The following CHST11 variants were observed in gnomAD, a reference collection of about 807,000 sequenced individuals.
The protein encoded by CHST11 is carbohydrate sulfotransferase 11.
CHST11 carries 9 observed loss-of-function variants against 30.4 expected under a neutral mutation model. The observed-to-expected ratio is 0.30, with a 90% confidence interval of 0.18 to 0.52. The LOEUF (loss-of-function observed/expected upper bound fraction) is 0.52, where lower values mean the gene tolerates loss of function less well. Among genes scored for constraint, CHST11 ranks in the 20% least tolerant of loss-of-function variants. CHST11 has a pLI of 0.97. For missense variants in CHST11, 348 were observed against 460.6 expected (o/e 0.76, Z 2.24); for synonymous variants, 152 against 187.8 (o/e 0.81, Z 1.56).
intron 1 of CHST11, among the ~76,000 whole-genome samples, chr12:104,535,705 A>T (rs1462234287): frequency 6.6e-6 from 1 of 152,192 alleles, no homozygotes; most frequent in Non-Finnish European, 1.5e-5. Context: ...ACATTGCAGT[A>T]TTTGTTTGTG....
intron 1 of CHST11, among the ~76,000 whole-genome samples, chr12:104,522,163 CT>C (rs971025998): frequency 4.6e-4 from 70 of 152,300 alleles, no homozygotes; most frequent in African/African-American, 1.6e-3. Flanking sequence ...TGCTTTGGCT[CT>C]TTTTCTCAGA....
chr12:104,533,327 G>C (rs2038204913), intron 1 of CHST11, among the ~76,000 whole-genome samples: 1 of 152,196 alleles, frequency 6.6e-6, no homozygotes. Flanking sequence ...AACATGATCA[G>C]GTGTTCCCAG....
At chr12:104,681,284 T>A (rs572529580) in intron 2 of CHST11, among the ~76,000 whole-genome samples, 1 of 152,218 alleles carries the variant, frequency 6.6e-6, no homozygotes, top group East Asian at 1.9e-4. Flanking sequence ...TACTGATACA[T>A]GCTACATGGA....
At chr12:104,597,766 A>G (rs1277864499) in intron 1 of CHST11, among the ~76,000 whole-genome samples, 1 of 152,212 alleles carries the variant, frequency 6.6e-6, no homozygotes, top group Non-Finnish European at 1.5e-5. Flanking sequence ...CCATCACAGC[A>G]TTTTGATGAA....
intron 2 of CHST11, among the ~76,000 whole-genome samples, chr12:104,612,370 T>A (rs1472365921): frequency 1.3e-5 from 2 of 152,274 alleles, no homozygotes; most frequent in Non-Finnish European, 2.9e-5. Flanking sequence ...TTCCTTGCTC[T>A]GATTGCTGCC....
intron 1 of CHST11, among the ~76,000 whole-genome samples, chr12:104,461,346 A>G (rs2037406106): frequency 6.6e-6 from 1 of 152,232 alleles, no homozygotes; most frequent in Non-Finnish European, 1.5e-5. Context: ...TCCTAAAGCT[A>G]GGGAGAATGG....
At chr12:104,638,828 C>T (rs536555253) in intron 2 of CHST11, among the ~76,000 whole-genome samples, 9 of 152,268 alleles carry the variant, frequency 5.9e-5, no homozygotes, top group Admixed American at 3.3e-4. Context: ...AGTTTTCAGC[C>T]GCTTTTTTTC....
intron 1 of CHST11, among the ~76,000 whole-genome samples, chr12:104,461,265 T>C (rs978052564): frequency 6.6e-6 from 1 of 152,172 alleles, no homozygotes. Context: ...AGGTTGGTCT[T>C]GTTTAGCCAC....
chr12:104,463,492 CTCTCTTTTCCT>C (rs1340328799), intron 1 of CHST11, among the ~76,000 whole-genome samples: 2 of 152,206 alleles, frequency 1.3e-5, no homozygotes, highest in Non-Finnish European at 2.9e-5. Flanking sequence ...GTCTGTCTCT[CTCTCTTTTCCT>C]TTCTTCTACT....
chr12:104,487,285 A>G (rs1405172836), intron 1 of CHST11, among the ~76,000 whole-genome samples: 1 of 152,116 alleles, frequency 6.6e-6, no homozygotes, highest in Non-Finnish European at 1.5e-5. Flanking sequence ...TTTTCTTGAG[A>G]CAGGGTCTCA....
rs1392707646 is a variant in CHST11 at position 104,676,599 on chromosome 12, G to C, written c.204+74608G>C. Among the ~76,000 whole-genome samples, 1 of 152,196 alleles carries C rather than the reference G, an allele frequency of 6.6e-6. No individual in the cohort carries two copies. The highest frequency in any genetic ancestry group is 6.5e-5 in the Admixed American group (1 of 15,278). On this transcript the variant is annotated intron_variant, in intron 2 of 2. Transcript: ENST00000303694. The surrounding 1 kb of genome is among the most constrained non-coding windows in gnomAD (Gnocchi z 4.4). ...CTGGCTAATTTTTGTATTTTTAGTA[G>C]AGATGGGGTTTCCCCATGTTGGCCA... is the stretch of plus-strand genomic sequence containing the variant.
At chr12:104,483,910 C>T (rs1441454448) in intron 1 of CHST11, among the ~76,000 whole-genome samples, 1 of 152,108 alleles carries the variant, frequency 6.6e-6, no homozygotes, top group Non-Finnish European at 1.5e-5. Context: ...GACGTAGTCT[C>T]TGTAGCTTCT....
intron 2 of CHST11, among the ~76,000 whole-genome samples, chr12:104,711,573 G>A (rs555904594): frequency 6.6e-6 from 1 of 152,212 alleles, no homozygotes; most frequent in African/African-American, 2.4e-5. Context: ...GGGGATGGCA[G>A]GAGTGGGAAG....
chr12:104,690,505 T>C (rs931105341), intron 2 of CHST11, among the ~76,000 whole-genome samples: 1 of 152,176 alleles, frequency 6.6e-6, no homozygotes, highest in African/African-American at 2.4e-5. Context: ...TGGCCAGTCA[T>C]AAAACAATGA....
At chr12:104,658,101 G>C (rs61938624) in intron 2 of CHST11, among the ~76,000 whole-genome samples, 33,281 of 152,174 alleles carry the variant, frequency 0.22, 4,259 homozygotes, top group Non-Finnish European at 0.29. Flanking sequence ...GCGGGGGCTG[G>C]CTTAGAGCCC....
At chr12:104,738,618 C>G (rs886669703) in intron 2 of CHST11, among the ~76,000 whole-genome samples, 4 of 152,222 alleles carry the variant, frequency 2.6e-5, no homozygotes, top group African/African-American at 9.6e-5. Flanking sequence ...ACTCCCTCCT[C>G]TCATCTGAGC....
chr12:104,709,428 G>T (rs2040065372), intron 2 of CHST11, among the ~76,000 whole-genome samples: 1 of 152,222 alleles, frequency 6.6e-6, no homozygotes, highest in African/African-American at 2.4e-5. Flanking sequence ...AGAGGGACAG[G>T]CACTGTCCTC....
intron 2 of CHST11, among the ~76,000 whole-genome samples, chr12:104,731,143 C>G (rs937395849): frequency 2.0e-5 from 3 of 152,182 alleles, no homozygotes; most frequent in Admixed American, 1.3e-4. Flanking sequence ...CCTTCCAAGC[C>G]AGAGAACCCA....
rs191901059 is a variant in CHST11 at position 104,495,295 on chromosome 12, C to G, written c.118+37766C>G. On this transcript the variant is annotated intron_variant, in intron 1 of 2. Coordinates refer to ENST00000303694, the MANE Select transcript of CHST11 (RefSeq NM_018413.6). The stretch of plus-strand genomic sequence containing the variant: ...GCTGTGAACATAGGTGTGTAAATAT[C>G]TCTCCGGAATCCTGCTTTCAATTCT... Among the ~76,000 whole-genome samples, 228 of 152,244 alleles carry G rather than the reference C, an allele frequency of 1.5e-3. 1 individual carries two copies. Among genetic ancestry groups the G allele is most frequent in the African/African-American group, 5.1e-3 (211 of 41,528 alleles).
Sources: gnomAD v4.1 joint callset for allele counts (sites outside exome capture counted in the v4.1 genomes callset) on GRCh38, gnomAD v4.1.1 for gene constraint, Gnocchi (gnomAD v3.1) non-coding constraint, MANE v1.5 for transcripts, NCBI Gene and HGNC (gene_info 2026-07-23, HGNC 2026-07-21) for gene names.